Variants in NKAIN3 observed in about 807,000 individuals in gnomAD.
NKAIN3 encodes the protein sodium/potassium-transporting ATPase subunit beta-1-interacting protein 3.
A neutral mutation model predicts 30.2 loss-of-function variants in NKAIN3; 25 were observed. The ratio of observed to expected loss-of-function variants is 0.83; its 90% CI spans 0.60 to 1.16. The LOEUF is 1.16. Ranked by LOEUF, NKAIN3 falls within the 50% of genes most tolerant of loss-of-function variation. NKAIN3 has a pLI of 0.00. For missense variants in NKAIN3, 225 were observed against 254.1 expected, an observed-to-expected ratio of 0.89 and a Z score of 0.78; for synonymous variants, 91 against 89.6, an observed-to-expected ratio of 1.02 and a Z score of -0.09.
chr8:62,286,505 C>A (rs549936825), intron 1 of NKAIN3, among the ~76,000 whole-genome samples: 98 of 152,016 alleles, frequency 6.4e-4, no homozygotes, highest in African/African-American at 2.3e-3. Context: ...TCTAGGAATC[C>A]TCTGTTTATA....
At chr8:62,959,435 T>TGTGTGTGTGG (rs1332445287) in intron 6 of NKAIN3, among the ~76,000 whole-genome samples, 4 of 108,904 alleles carry the variant, frequency 3.7e-5, no homozygotes, top group African/African-American at 1.4e-4. Flanking sequence ...CAAATCAGGG[T>TGTGTGTGTGG]GTGTGTGTGT....
intron 4 of NKAIN3, among the ~76,000 whole-genome samples, chr8:62,915,657 T>C (rs1355700189): frequency 6.6e-6 from 1 of 152,170 alleles, no homozygotes; most frequent in Non-Finnish European, 1.5e-5. Flanking sequence ...CTTGCAGGTA[T>C]ACACATATAC....
At chr8:62,474,997 A>G (rs560189591) in intron 1 of NKAIN3, among the ~76,000 whole-genome samples, 6 of 152,368 alleles carry the variant, frequency 3.9e-5, no homozygotes, top group African/African-American at 1.4e-4. Context: ...TCTCAGAGCA[A>G]TGACTATAAA....
intron 4 of NKAIN3, among the ~76,000 whole-genome samples, chr8:62,749,684 T>TC (rs1207986497): frequency 5.1e-5 from 6 of 118,478 alleles, no homozygotes; most frequent in Non-Finnish European, 1.1e-4. Flanking sequence ...CTTTTCTTTT[T>TC]TTTTTTTTTT....
intron 5 of NKAIN3, among the ~76,000 whole-genome samples, chr8:62,992,271 C>T (rs1824337170): frequency 6.6e-6 from 1 of 151,986 alleles, no homozygotes; most frequent in East Asian, 1.9e-4. Flanking sequence ...CTCAGCCTCC[C>T]AAAGTGCTGG....
intron 1 of NKAIN3, among the ~76,000 whole-genome samples, chr8:62,391,992 C>T (rs1371682592): frequency 5.3e-5 from 8 of 151,830 alleles, no homozygotes; most frequent in Admixed American, 1.3e-4. Flanking sequence ...CTCTCAATGA[C>T]GACAACAACA....
At chr8:62,439,403 A>C (rs934598571) in intron 1 of NKAIN3, among the ~76,000 whole-genome samples, 1 of 152,166 alleles carries the variant, frequency 6.6e-6, no homozygotes, top group Non-Finnish European at 1.5e-5. Context: ...CAGCCAACCC[A>C]TGCTTTTCTG....
At chr8:62,376,484 T>C (rs1411058020) in intron 1 of NKAIN3, among the ~76,000 whole-genome samples, 1 of 152,200 alleles carries the variant, frequency 6.6e-6, no homozygotes, top group Non-Finnish European at 1.5e-5. Flanking sequence ...TTCCCACCTT[T>C]GAAAAACAGT....
Position 62,280,580 on chromosome 8 carries a change from A to G in NKAIN3, c.54+31453A>G, listed in dbSNP as rs371374264. On this transcript the variant is annotated intron_variant, in intron 1 of 6. Transcript: ENST00000623646. ...ACCTGATTTATTGGTAGTTTTTAGC[A>G]TGAAGGGCTATTGAATTTTGTCAAA... 2.0e-4 allele frequency among the ~76,000 whole-genome samples: 31 copies of G among 152,290 alleles called. No homozygotes were observed. The East Asian group carries it at 5.0e-3, about 25-fold the overall frequency.
chr8:62,941,292 A>G (rs1173059931), intron 5 of NKAIN3, among the ~76,000 whole-genome samples: 1 of 152,156 alleles, frequency 6.6e-6, no homozygotes, highest in Non-Finnish European at 1.5e-5. Flanking sequence ...GTCCAGGACC[A>G]GATGGATTCA....
At chr8:62,848,788 G>A (rs1482998158) in intron 4 of NKAIN3, among the ~76,000 whole-genome samples, 1 of 151,620 alleles carries the variant, frequency 6.6e-6, no homozygotes, top group Non-Finnish European at 1.5e-5. Context: ...CATTCACTAT[G>A]GACTGTGGGT....
At position 62,969,716 on chromosome 8, in the gene NKAIN3, C is replaced by T. The variant is rs192030161; in HGVS notation, c.*4309C>T. Among the ~76,000 whole-genome samples, 11 of 152,122 alleles carry T rather than the reference C, an allele frequency of 7.2e-5. No individual in the cohort carries two copies. The highest frequency in any genetic ancestry group is 4.1e-4 in the South Asian group (2 of 4,830). On this transcript the variant is annotated 3_prime_UTR_variant, in exon 7 of 7. Coordinates refer to ENST00000623646, the MANE Select transcript of NKAIN3 (RefSeq NM_001304533.3). ...AAAACTATAACAACTTGAATGCCTG[C>T]GGTTTTATTTCCATCTAATTTAAAA...
chr8:62,485,442 T>G (rs1806869022), intron 1 of NKAIN3, among the ~76,000 whole-genome samples: 1 of 152,238 alleles, frequency 6.6e-6, no homozygotes, highest in Non-Finnish European at 1.5e-5. Context: ...ATTTATTTGT[T>G]CCTTCAGTAG....
chr8:62,841,296 C>T (rs184654004), intron 4 of NKAIN3, among the ~76,000 whole-genome samples: 4 of 151,676 alleles, frequency 2.6e-5, no homozygotes, highest in South Asian at 4.2e-4. Context: ...ATATATATCC[C>T]TTCCCTTGCT....
intron 3 of NKAIN3, among the ~76,000 whole-genome samples, chr8:62,619,698 T>TG (rs1554555050): frequency 7.1e-6 from 1 of 141,826 alleles, no homozygotes. Flanking sequence ...TCAAATATTG[T>TG]AAAAAAAAAA....
intron 1 of NKAIN3, among the ~76,000 whole-genome samples, chr8:62,434,759 T>A (rs569988006): frequency 1.3e-5 from 2 of 152,256 alleles, no homozygotes; most frequent in Admixed American, 1.3e-4. Context: ...TTGAAAAAAA[T>A]GGTTTCATAA....
intron 3 of NKAIN3, among the ~76,000 whole-genome samples, chr8:62,640,231 T>A (rs1302268751): frequency 6.6e-6 from 1 of 152,064 alleles, no homozygotes; most frequent in Non-Finnish European, 1.5e-5. Flanking sequence ...AATCCCCACA[T>A]GTCAAGGAAG....
intron 1 of NKAIN3, among the ~76,000 whole-genome samples, chr8:62,402,430 A>G (rs1416128381): frequency 6.6e-6 from 1 of 152,130 alleles, no homozygotes; most frequent in African/African-American, 2.4e-5. Context: ...CTGTGTCCCC[A>G]CCCAAATCTC....
intron 1 of NKAIN3, among the ~76,000 whole-genome samples, chr8:62,343,880 T>C (rs1221311504): frequency 2.0e-5 from 3 of 152,106 alleles, no homozygotes; most frequent in Non-Finnish European, 4.4e-5. Flanking sequence ...ATAAAATTGC[T>C]GTAGTATAGA....
Sources: gnomAD v4.1 joint callset for allele counts (sites outside exome capture counted in the v4.1 genomes callset) on GRCh38, gnomAD v4.1.1 for gene constraint, MANE v1.5 for transcripts, NCBI Gene and HGNC (gene_info 2026-07-23, HGNC 2026-07-21) for gene names.